Variants in SPIDR observed in about 807,000 individuals in gnomAD.
SPIDR encodes the protein scaffold protein involved in DNA repair, also known as DNA repair-scaffolding protein.
Under a neutral mutation model 104.6 loss-of-function variants are expected in SPIDR, and 93 were observed. That is an observed-to-expected ratio of 0.89 (90% CI 0.75 to 1.06). The LOEUF is 1.06. Ranked by LOEUF, SPIDR falls within the 50% of genes least tolerant of loss-of-function variation. The pLI, the probability that SPIDR is intolerant of heterozygous loss-of-function variation, is 0.00. For missense variants in SPIDR, 1,154 were observed against 1,111.2 expected (o/e 1.04, Z -0.55); for synonymous variants, 431 against 416.9 (o/e 1.03, Z -0.41).
At chr8:47,521,472 T>C (rs1181000283) in intron 8 of SPIDR, among the ~76,000 whole-genome samples, 1 of 150,042 alleles carries the variant, frequency 6.7e-6, no homozygotes, top group Non-Finnish European at 1.5e-5. Flanking sequence ...AGTCTCACTC[T>C]GTCAGCACAA....
Position 47,375,845 on chromosome 8 carries a change from T to C in SPIDR, c.526-20531T>C, listed in dbSNP as rs1481087793. 5.9e-5 allele frequency among the ~76,000 whole-genome samples: 9 copies of C among 152,218 alleles called. 1 individual carries two copies. The highest frequency in any genetic ancestry group is 5.9e-4 in the Admixed American group (9 of 15,292). On this transcript the variant is annotated intron_variant, in intron 5 of 19. Coordinates refer to ENST00000297423, the MANE Select transcript of SPIDR (RefSeq NM_001080394.4). ...AAAGGAATTTGAATACATTTGGGGC[T>C]CTTAGAAGCATTATTAAGAATCTAG...
At chr8:47,265,869 T>C (rs1299530841) in intron 1 of SPIDR, among the ~76,000 whole-genome samples, 1 of 152,142 alleles carries the variant, frequency 6.6e-6, no homozygotes, top group Non-Finnish European at 1.5e-5. Flanking sequence ...GCCATATTCT[T>C]ACCATGTCTT....
intron 14 of SPIDR, 29 bp from the exon 15 acceptor site, chr8:47,712,629 ATAAT>A (rs746153775): frequency 2.8e-5 from 44 of 1,583,452 alleles, no homozygotes; most frequent in Non-Finnish European, 2.2e-5. Context: ...TTTTGGTATA[ATAAT>A]TAATCTTTAT....
chr8:47,531,751 AC>A (rs2086038489), intron 8 of SPIDR, among the ~76,000 whole-genome samples: 2 of 152,218 alleles, frequency 1.3e-5, no homozygotes, highest in Non-Finnish European at 2.9e-5. Context: ...GGACAACATT[AC>A]TAGGCAGTAA....
At chr8:47,333,398 T>C (rs578061032) in intron 5 of SPIDR, among the ~76,000 whole-genome samples, 2 of 152,090 alleles carry the variant, frequency 1.3e-5, no homozygotes, top group South Asian at 4.2e-4. Flanking sequence ...GCCTCCTGGG[T>C]TCAAGCAATT....
chr8:47,291,058 T>C lies in SPIDR; in HGVS notation c.282T>C (p.Ser94=). ...AAACCACCACATCTAAAAGCACCAG[T>C]GGGCTTACAGACATAACATGGAGCT... is the stretch of plus-strand genomic sequence containing the variant. ...KQETTTSKST[S]GLTDITWSSS... Residue 94 remains serine, a synonymous_variant, in exon 4 of 20, where the codon AGT becomes AGC. Transcript: ENST00000297423. 6.2e-7 allele frequency: 1 copy of C among 1,612,070 alleles called. No homozygotes were observed. Among genetic ancestry groups the C allele is most frequent in the South Asian group, 1.1e-5 (1 of 90,634 alleles).
chr8:47,341,120 C>A (rs1554613683), intron 5 of SPIDR, among the ~76,000 whole-genome samples: 1 of 152,132 alleles, frequency 6.6e-6, no homozygotes, highest in Admixed American at 6.6e-5. Flanking sequence ...AGGACTTTAC[C>A]CTTCACCTGT....
chr8:47,356,646 G>A (rs560232756), intron 5 of SPIDR, among the ~76,000 whole-genome samples: 7 of 152,320 alleles, frequency 4.6e-5, no homozygotes, highest in African/African-American at 7.2e-5. Flanking sequence ...GGTTGACTAT[G>A]TGGCTATGAT....
At chr8:47,615,256 T>C (rs960483258) in intron 10 of SPIDR, among the ~76,000 whole-genome samples, 2 of 151,986 alleles carry the variant, frequency 1.3e-5, no homozygotes, top group Non-Finnish European at 2.9e-5. Context: ...AAATTGTCTA[T>C]TTTTTCTTTT....
intron 5 of SPIDR, among the ~76,000 whole-genome samples, chr8:47,317,312 G>A (rs2045563473): frequency 6.6e-6 from 1 of 152,210 alleles, no homozygotes; most frequent in African/African-American, 2.4e-5. Flanking sequence ...TGTATCCCAC[G>A]CCTGGCTCGG....
At chr8:47,539,762 C>A (rs943611252) in intron 8 of SPIDR, among the ~76,000 whole-genome samples, 10 of 150,760 alleles carry the variant, frequency 6.6e-5, no homozygotes, top group East Asian at 3.9e-4. Flanking sequence ...AAAAAAAAAA[C>A]CCTTTTCCCA....
At chr8:47,621,185 G>C (rs935966754) in intron 10 of SPIDR, among the ~76,000 whole-genome samples, 6 of 151,966 alleles carry the variant, frequency 3.9e-5, no homozygotes, top group African/African-American at 1.2e-4. Context: ...TCGATCTCCT[G>C]ACCTTGTGAT....
intron 8 of SPIDR, among the ~76,000 whole-genome samples, chr8:47,468,678 C>T (rs1018292583): frequency 1.3e-5 from 2 of 152,094 alleles, no homozygotes; most frequent in Non-Finnish European, 2.9e-5. Flanking sequence ...GGACCCTTTG[C>T]TTATATAAAA....
intron 5 of SPIDR, among the ~76,000 whole-genome samples, chr8:47,375,462 G>A (rs1158426591): frequency 4.6e-5 from 7 of 151,440 alleles, no homozygotes; most frequent in Non-Finnish European, 7.4e-5. Flanking sequence ...AGCTGGTCTC[G>A]AACTCCTGAC....
chr8:47,279,086 G>C (rs1351251496), intron 1 of SPIDR, among the ~76,000 whole-genome samples: 3 of 151,330 alleles, frequency 2.0e-5, no homozygotes, highest in Non-Finnish European at 2.9e-5. Flanking sequence ...TTAGAAATGG[G>C]GTCTTGCTAT....
chr8:47,344,914 A>G (rs1166808351), intron 5 of SPIDR, among the ~76,000 whole-genome samples: 1 of 152,198 alleles, frequency 6.6e-6, no homozygotes, highest in East Asian at 1.9e-4. Context: ...CCCATTCTAT[A>G]GGTTGCCTGT....
intron 7 of SPIDR, among the ~76,000 whole-genome samples, chr8:47,411,524 T>C (rs1236443867): frequency 6.6e-6 from 1 of 152,184 alleles, no homozygotes; most frequent in African/African-American, 2.4e-5. Context: ...TCTTGTAAAT[T>C]TGTTTGAGTT....
At chr8:47,668,612 T>C (rs1303262111) in intron 10 of SPIDR, among the ~76,000 whole-genome samples, 1 of 151,926 alleles carries the variant, frequency 6.6e-6, no homozygotes, top group Admixed American at 6.5e-5. Context: ...TCTTTAAAGC[T>C]GGAACAAAAT....
rs2084759102 is a variant in SPIDR, at chr8:47,728,971, C to T, written c.2474C>T (p.Thr825Ile). Residue 825 changes from threonine (T) to isoleucine (I), a missense_variant, in exon 18 of 20, where the codon ACA becomes ATA. Transcript: ENST00000297423. ...FSCGDCSRVVTSPVLKRHLQV... is the reference protein window; with the variant it reads ...FSCGDCSRVVISPVLKRHLQV... ...TGTGGGGACTGCTCCCGGGTGGTCA[C>T]ATCTCCTGTTCTCAAGAGGCACCTG... The T allele has an allele frequency of 1.2e-6, 2 of 1,613,846 alleles. No homozygotes were observed. The highest frequency in any genetic ancestry group is 1.3e-5 in the African/African-American group (1 of 74,930).
Sources: allele counts gnomAD v4.1 joint callset (sites outside exome capture counted in the v4.1 genomes callset), GRCh38; gene constraint gnomAD v4.1.1; transcripts MANE v1.5; gene names NCBI Gene and HGNC (gene_info 2026-07-23, HGNC 2026-07-21).